EDIL3: variants seen among roughly 807,000 people sequenced by gnomAD.
EDIL3 encodes EGF-like repeat and discoidin I-like domain-containing protein 3.
In EDIL3, 37 loss-of-function variants were observed where a neutral mutation model predicts 67.4. That is an observed-to-expected ratio of 0.55 (90% CI 0.42 to 0.72). EDIL3 has a LOEUF of 0.72. Ranked by LOEUF, EDIL3 falls within the 30% of genes least tolerant of loss-of-function variation. EDIL3 has a pLI of 0.00. For missense variants in EDIL3, 527 were observed against 586.3 expected (o/e 0.90, Z 1.04); for synonymous variants, 195 against 196.3 (o/e 0.99, Z 0.05).
At chr5:84,169,272 C>A (rs1000844313) in intron 4 of EDIL3, among the ~76,000 whole-genome samples, 3 of 151,880 alleles carry the variant, frequency 2.0e-5, no homozygotes, top group Admixed American at 1.3e-4. Flanking sequence ...AACTATAATA[C>A]AAAGAAATAC....
chr5:84,237,487 C>G (rs1337254964), intron 2 of EDIL3, among the ~76,000 whole-genome samples: 6 of 151,962 alleles, frequency 3.9e-5, no homozygotes, highest in African/African-American at 1.4e-4. Context: ...TAAAATTCAC[C>G]ACAAGCAGAA....
intron 1 of EDIL3, among the ~76,000 whole-genome samples, chr5:84,288,216 C>T (rs1376246787): frequency 6.6e-6 from 1 of 152,116 alleles, no homozygotes; most frequent in Non-Finnish European, 1.5e-5. Flanking sequence ...TACCCACATC[C>T]TCTCTGTGGG....
At position 84,074,268 on chromosome 5, in the gene EDIL3, C is replaced by A. The variant is rs192586457; in HGVS notation, c.652-7662G>T. Among the ~76,000 whole-genome samples, 922 of 148,700 alleles carry A rather than the reference C, an allele frequency of 6.2e-3. 24 individuals are homozygous for A. Among genetic ancestry groups the A allele is most frequent in the African/African-American group, 0.022 (888 of 39,690 alleles). On this transcript the variant is annotated intron_variant, in intron 6 of 10. Transcript: ENST00000296591. ...CCCGAGAAGAAAACCTAGGCATTAC[C>A]ATTCAGGACATAGGCATGGGCAAGG...
At chr5:84,377,437 C>G (rs1033039635) in intron 1 of EDIL3, among the ~76,000 whole-genome samples, 2 of 152,000 alleles carry the variant, frequency 1.3e-5, no homozygotes, top group African/African-American at 4.8e-5. Context: ...AAATATTCTC[C>G]AATGTTTCCA....
chr5:84,363,603 A>G (rs893725461), intron 1 of EDIL3, among the ~76,000 whole-genome samples: 3 of 152,198 alleles, frequency 2.0e-5, no homozygotes, highest in Non-Finnish European at 4.4e-5. Flanking sequence ...ATACTGTATT[A>G]AAGGAAATTT....
chr5:84,227,067 G>T (rs1410854486), intron 3 of EDIL3, among the ~76,000 whole-genome samples: 1 of 151,946 alleles, frequency 6.6e-6, no homozygotes, highest in Non-Finnish European at 1.5e-5. Context: ...GACTTAGTAA[G>T]GTGTGGGCAG....
intron 6 of EDIL3, among the ~76,000 whole-genome samples, chr5:84,102,440 T>A (rs1185014278): frequency 6.6e-6 from 1 of 151,770 alleles, no homozygotes; most frequent in Non-Finnish European, 1.5e-5. Flanking sequence ...GCCCGAAGGA[T>A]CTAGGAAACC....
intron 4 of EDIL3, among the ~76,000 whole-genome samples, chr5:84,161,128 A>G (rs1309284189): frequency 6.6e-6 from 1 of 152,056 alleles, no homozygotes; most frequent in African/African-American, 2.4e-5. Flanking sequence ...CACTTAGAAT[A>G]ATGGTCTCTA....
intron 10 of EDIL3, among the ~76,000 whole-genome samples, chr5:83,948,059 G>C (rs1041733593): frequency 6.6e-6 from 1 of 151,786 alleles, no homozygotes; most frequent in African/African-American, 2.4e-5. Context: ...CTTTGTTGTA[G>C]ATGCAATATT....
chr5:84,040,649 AT>A, intron 9 of EDIL3, among the ~76,000 whole-genome samples: 1 of 152,062 alleles, frequency 6.6e-6, no homozygotes, highest in Non-Finnish European at 1.5e-5. Context: ...GATAAGAGAA[AT>A]TAAAGATTTG....
At chr5:84,213,329 T>C (rs1274798969) in intron 3 of EDIL3, among the ~76,000 whole-genome samples, 1 of 152,200 alleles carries the variant, frequency 6.6e-6, no homozygotes, top group East Asian at 1.9e-4. Flanking sequence ...TGTCTTATTT[T>C]AGTTTTGTTT....
chr5:84,045,370 G>A (rs1039697575), intron 9 of EDIL3, among the ~76,000 whole-genome samples: 13 of 152,126 alleles, frequency 8.5e-5, no homozygotes, highest in African/African-American at 2.7e-4. Context: ...ACACATATCA[G>A]AAACTGTCAG....
chr5:84,143,993 G>C (rs1324161500), intron 4 of EDIL3, among the ~76,000 whole-genome samples: 1 of 151,954 alleles, frequency 6.6e-6, no homozygotes, highest in Admixed American at 6.6e-5. Flanking sequence ...ATTTCTAATG[G>C]GATTCTATTA....
chr5:83,987,854 G>GGTGTGTGTGT (rs141209055), intron 9 of EDIL3, among the ~76,000 whole-genome samples: 37 of 113,064 alleles, frequency 3.3e-4, no homozygotes, highest in African/African-American at 6.5e-4. Flanking sequence ...CAGCTGATAG[G>GGTGTGTGTGT]GTGTGTGTGT....
chr5:84,267,422 G>C (rs1745371965), intron 1 of EDIL3, among the ~76,000 whole-genome samples: 1 of 152,156 alleles, frequency 6.6e-6, no homozygotes, highest in African/African-American at 2.4e-5. Context: ...GTAATGCTTA[G>C]TGTTTCTAGA....
intron 2 of EDIL3, among the ~76,000 whole-genome samples, chr5:84,234,045 T>C (rs1016184506): frequency 1.3e-5 from 2 of 152,174 alleles, no homozygotes; most frequent in Admixed American, 1.3e-4. Flanking sequence ...TTTTTGTTAT[T>C]TACATCTAAA....
At position 83,974,540 on chromosome 5, in the gene EDIL3, C is replaced by T. The variant is rs138140234; in HGVS notation, c.1138-11180G>A. Among the ~76,000 whole-genome samples, 118 of 151,970 alleles carry T rather than the reference C, an allele frequency of 7.8e-4. 1 individual carries two copies. The highest frequency in any genetic ancestry group is 2.7e-3 in the African/African-American group (110 of 41,492). ...ACATATAGTAGGAATAAAAGGGATACGAATTATTTCCATTCAAATGCATGG... is the reference window on the plus strand; with the variant it reads ...ACATATAGTAGGAATAAAAGGGATATGAATTATTTCCATTCAAATGCATGG... On this transcript the variant is annotated intron_variant, in intron 9 of 10. Transcript: ENST00000296591.
intron 9 of EDIL3, among the ~76,000 whole-genome samples, chr5:84,043,611 A>T (rs1746170494): frequency 1.3e-5 from 2 of 152,234 alleles, no homozygotes; most frequent in Non-Finnish European, 2.9e-5. Flanking sequence ...AACTCAACAG[A>T]AAAGGGAGAA....
At chr5:84,205,761 A>C (rs1266045378) in intron 3 of EDIL3, among the ~76,000 whole-genome samples, 8 of 151,982 alleles carry the variant, frequency 5.3e-5, no homozygotes, top group African/African-American at 1.7e-4. Context: ...TGGTGATATC[A>C]CCTTTATCAT....
Sources: gnomAD v4.1 joint callset for allele counts (sites outside exome capture counted in the v4.1 genomes callset) on GRCh38, gnomAD v4.1.1 for gene constraint, MANE v1.5 for transcripts, NCBI Gene and HGNC (gene_info 2026-07-23, HGNC 2026-07-21) for gene names.